Variants in ANO2 observed in about 807,000 individuals in gnomAD.
ANO2 encodes anoctamin-2.
In ANO2, 101 loss-of-function variants were observed where a neutral mutation model predicts 124.2. The ratio of observed to expected loss-of-function variants is 0.81; its 90% confidence interval spans 0.69 to 0.96. The LOEUF is 0.96. Among genes scored for constraint, ANO2 ranks in the 40% least tolerant of loss-of-function variants. ANO2 has a pLI of 0.00. For synonymous variants in ANO2, 486 were observed against 482.5 expected, an observed-to-expected ratio of 1.01 and a Z score of -0.09; for missense variants, 1,293 against 1,274.5, an observed-to-expected ratio of 1.01 and a Z score of -0.22.
At chr12:5,822,178 C>A (rs1953822180) in intron 7 of ANO2, among the ~76,000 whole-genome samples, 1 of 152,144 alleles carries the variant, frequency 6.6e-6, no homozygotes, top group African/African-American at 2.4e-5. Flanking sequence ...GGAGAAATGG[C>A]CAGATGTGCA....
intron 7 of ANO2, among the ~76,000 whole-genome samples, chr12:5,820,797 T>G (rs1335269789): frequency 6.6e-6 from 1 of 152,262 alleles, no homozygotes; most frequent in Non-Finnish European, 1.5e-5. Flanking sequence ...AGGGGATTAC[T>G]GTAAGCTTAA....
intron 7 of ANO2, among the ~76,000 whole-genome samples, chr12:5,813,074 G>GAGGAAGGAAGGAAGGAAGGA (rs71064169): frequency 6.8e-6 from 1 of 146,014 alleles, no homozygotes; most frequent in African/African-American, 2.5e-5. Context: ...GAAGACGAAA[G>GAGGAAGGAAGGAAGGAAGGA]AGGAAGGAAA....
intron 15 of ANO2, among the ~76,000 whole-genome samples, chr12:5,640,788 A>G (rs1946329134): frequency 6.6e-6 from 1 of 152,238 alleles, no homozygotes; most frequent in Non-Finnish European, 1.5e-5. Context: ...AGCGTGAACT[A>G]GTTCAACGAT....
intron 24 of ANO2, among the ~76,000 whole-genome samples, chr12:5,565,217 C>A (rs1241458765): frequency 6.6e-6 from 1 of 152,198 alleles, no homozygotes; most frequent in African/African-American, 2.4e-5. Flanking sequence ...GGCTGTTTGT[C>A]TGCCCCAGGC....
At chr12:5,852,337 T>C (rs1402016968) in intron 4 of ANO2, among the ~76,000 whole-genome samples, 3 of 152,204 alleles carry the variant, frequency 2.0e-5, no homozygotes, top group African/African-American at 7.2e-5. Flanking sequence ...AGCGTATTCC[T>C]TGTGAAACTA....
At chr12:5,613,078 G>C in intron 17 of ANO2, 120 bp from the exon 18 acceptor site, 2 of 956,762 alleles carry the variant, frequency 2.1e-6, no homozygotes, top group Non-Finnish European at 3.3e-6. Context: ...TGGTCAGGGC[G>C]AGTGCTAGAT....
rs886341189 is a variant in ANO2 at position 5,658,323 on chromosome 12, C to T, written c.1546-10522G>A. Among the ~76,000 whole-genome samples the T allele has an allele frequency of 1.3e-5, 2 of 152,194 alleles. No individual in the cohort carries two copies. The highest frequency in any genetic ancestry group is 2.9e-5 in the Non-Finnish European group (2 of 68,046). On this transcript the variant is annotated intron_variant, in intron 14 of 24. Transcript: ENST00000682330. This position sits in a 1 kb window ranked among gnomAD's most constrained non-coding sequence, Gnocchi z 4.3. Reference sequence around the variant, plus strand: ...GAAATGAGGTAATGCATGGAATATACATAGAACTGTCCCTGGCACATAGTT... The same window carrying T: ...GAAATGAGGTAATGCATGGAATATATATAGAACTGTCCCTGGCACATAGTT...
rs952734900 is a variant in ANO2 at position 5,925,673 on chromosome 12, C to T, written c.23-2869G>A. ...GAAGGAAAGGCCATCGTACACAGCC[C>T]GTGGAACATGTCACCCATTTGGAAA... On this transcript the variant is annotated intron_variant, in intron 1 of 24. Coordinates refer to ENST00000682330, the MANE Select transcript of ANO2 (RefSeq NM_001364791.2). The surrounding 1 kb of genome is among the most constrained non-coding windows in gnomAD (Gnocchi z 4.6). Among the ~76,000 whole-genome samples, 2 of 152,228 alleles carry T rather than the reference C, an allele frequency of 1.3e-5. No homozygotes were observed. The highest frequency in any genetic ancestry group is 2.1e-4 in the South Asian group (1 of 4,826).
At chr12:5,873,237 CTCTCTCTCTG>C (rs1373096953) in intron 3 of ANO2, among the ~76,000 whole-genome samples, 3 of 142,500 alleles carry the variant, frequency 2.1e-5, no homozygotes, top group African/African-American at 5.8e-5. Context: ...CTCTCTCTCT[CTCTCTCTCTG>C]TCTGTCTCTC....
At chr12:5,730,463 G>T (rs534504923) in intron 14 of ANO2, among the ~76,000 whole-genome samples, 9 of 152,136 alleles carry the variant, frequency 5.9e-5, no homozygotes, top group Non-Finnish European at 7.4e-5. Context: ...GTAAGGAGAG[G>T]TGAGGATATG....
At position 5,578,015 on chromosome 12, in the gene ANO2, A is replaced by G; in HGVS notation, c.2387-8T>C. 1.2e-6 allele frequency: 2 copies of G among 1,613,558 alleles called. No individual in the cohort carries two copies. Among genetic ancestry groups the G allele is most frequent in the Non-Finnish European group, 1.7e-6 (2 of 1,179,696 alleles). ...GAATGTCAAACCAGATTCCTACAAG[A>G]CAGAAAAGACAGCGTCTGGCTCACT... On this transcript the variant is annotated splice_polypyrimidine_tract_variant and splice_region_variant and intron_variant, in intron 21 of 24. Coordinates refer to ENST00000682330, the MANE Select transcript of ANO2 (RefSeq NM_001364791.2).
intron 19 of ANO2, among the ~76,000 whole-genome samples, chr12:5,600,705 C>A (rs1243324917): frequency 1.3e-5 from 2 of 152,108 alleles, no homozygotes; most frequent in Non-Finnish European, 2.9e-5. Flanking sequence ...TTTTTAATGG[C>A]AAAAACTGCA....
At chr12:5,866,050 T>C (rs1439817830) in intron 3 of ANO2, among the ~76,000 whole-genome samples, 1 of 152,184 alleles carries the variant, frequency 6.6e-6, no homozygotes, top group Non-Finnish European at 1.5e-5. Flanking sequence ...ATTGATCCCA[T>C]CCCAAATCCA....
intron 17 of ANO2, among the ~76,000 whole-genome samples, chr12:5,614,068 A>G (rs1304362805): frequency 4.6e-5 from 7 of 152,224 alleles, no homozygotes; most frequent in Admixed American, 3.3e-4. Context: ...CTGCTTAATG[A>G]ACTTTTAGTT....
chr12:5,859,854 T>G (rs923010838), intron 3 of ANO2, among the ~76,000 whole-genome samples: 2 of 152,158 alleles, frequency 1.3e-5, no homozygotes, highest in African/African-American at 4.8e-5. Context: ...TTTTAACTCA[T>G]GATGTCCACT....
rs402869 is a variant in ANO2 at position 5,682,337 on chromosome 12, T to C, written c.1546-34536A>G. ...GATCTATCTATCTCTCTCTTTCTCT[T>C]TCTCTCTCTCTCTCTCTCTCTCTGT... On this transcript the variant is annotated intron_variant, in intron 14 of 24. Coordinates refer to ENST00000682330, the MANE Select transcript of ANO2 (RefSeq NM_001364791.2). 9.1e-3 allele frequency among the ~76,000 whole-genome samples: 1,370 copies of C among 150,054 alleles called. 24 individuals carry two copies. Among genetic ancestry groups the C allele is most frequent in the African/African-American group, 0.032 (1,319 of 40,808 alleles).
In ANO2 at chr12:5,749,172, C is replaced by A. The variant is rs571060112; in HGVS notation, c.1190+1664G>T. Among the ~76,000 whole-genome samples, 3 of 152,296 alleles carry A rather than the reference C, an allele frequency of 2.0e-5. No individual in the cohort carries two copies. In the South Asian group the frequency reaches 6.2e-4, roughly 32 times the overall value. On this transcript the variant is annotated intron_variant, in intron 11 of 24. Coordinates refer to ENST00000682330, the MANE Select transcript of ANO2 (RefSeq NM_001364791.2). ...AAGCAGGTTTCTGCCCACTGATGCA[C>A]GCATACCCTTCCTAAAATGCACAGT...
chr12:5,688,420 A>T (rs1948792406), intron 14 of ANO2, among the ~76,000 whole-genome samples: 1 of 152,186 alleles, frequency 6.6e-6, no homozygotes, highest in Non-Finnish European at 1.5e-5. Context: ...ATTAATCCAA[A>T]GCCCCAGCTA....
At chr12:5,633,774 T>A (rs1401753242) in intron 16 of ANO2, among the ~76,000 whole-genome samples, 2 of 152,098 alleles carry the variant, frequency 1.3e-5, no homozygotes, top group African/African-American at 4.8e-5. Context: ...TGACCAAGAC[T>A]CTCCCAACCA....
Sources: gnomAD v4.1 joint callset for allele counts (sites outside exome capture counted in the v4.1 genomes callset) on GRCh38, gnomAD v4.1.1 for gene constraint, Gnocchi (gnomAD v3.1) non-coding constraint, MANE v1.5 for transcripts, NCBI Gene and HGNC (gene_info 2026-07-23, HGNC 2026-07-21) for gene names.